The following PLPPR1 variants were observed in gnomAD, a reference collection of about 807,000 sequenced individuals.
The protein encoded by PLPPR1 is phospholipid phosphatase related 1.
In PLPPR1, 10 loss-of-function variants were observed where a neutral mutation model predicts 33.1. That is an observed-to-expected ratio of 0.30 (90% CI 0.19 to 0.51). PLPPR1 has a LOEUF of 0.51. Among genes scored for constraint, PLPPR1 ranks in the 20% least tolerant of loss-of-function variants. The probability of loss-of-function intolerance (pLI) is 0.97; values close to 1 mark genes in which losing one functional copy is unlikely to be tolerated. For synonymous variants in PLPPR1, 151 were observed against 151.0 expected (o/e 1.00, Z 0.00); for missense variants, 304 against 408.1 (o/e 0.74, Z 2.20).
At chr9:101,146,091 A>G (rs1831517987) in intron 1 of PLPPR1, among the ~76,000 whole-genome samples, 1 of 152,148 alleles carries the variant, frequency 6.6e-6, no homozygotes, top group Admixed American at 6.5e-5. Flanking sequence ...AAAATTAATT[A>G]CTACTTCCCT....
intron 2 of PLPPR1, among the ~76,000 whole-genome samples, chr9:101,267,866 C>CA (rs1828025187): frequency 6.6e-6 from 1 of 152,120 alleles, no homozygotes; most frequent in African/African-American, 2.4e-5. Context: ...TAATGTGTCT[C>CA]AAGTACAAAC....
intron 4 of PLPPR1, among the ~76,000 whole-genome samples, chr9:101,294,645 A>G (rs1828585752): frequency 1.3e-5 from 2 of 152,224 alleles, no homozygotes; most frequent in South Asian, 4.1e-4. Flanking sequence ...AGGCTGGTTC[A>G]GTATACACAA....
chr9:101,114,521 G>A (rs955250806), intron 1 of PLPPR1, among the ~76,000 whole-genome samples: 2 of 152,158 alleles, frequency 1.3e-5, no homozygotes, highest in Admixed American at 1.3e-4. Context: ...AGGGAGAGAG[G>A]TAGGAGTATC....
At chr9:101,091,012 T>C in intron 1 of PLPPR1, among the ~76,000 whole-genome samples, 1 of 151,754 alleles carries the variant, frequency 6.6e-6, no homozygotes, top group East Asian at 1.9e-4. Context: ...CTCTGCTTGG[T>C]AGCCTAAATT....
At chr9:101,116,527 G>T (rs1052393932) in intron 1 of PLPPR1, among the ~76,000 whole-genome samples, 1 of 152,104 alleles carries the variant, frequency 6.6e-6, no homozygotes, top group Admixed American at 6.5e-5. Flanking sequence ...AGAAATGCAG[G>T]ATAACGGCTT....
At chr9:101,305,215 G>T (rs1446414952) in intron 4 of PLPPR1, among the ~76,000 whole-genome samples, 1 of 151,448 alleles carries the variant, frequency 6.6e-6, no homozygotes, top group East Asian at 1.9e-4. Context: ...GTGTGTGTGT[G>T]TGTGCGTGCA....
intron 4 of PLPPR1, among the ~76,000 whole-genome samples, chr9:101,297,450 C>T (rs1356863224): frequency 1.3e-5 from 2 of 152,188 alleles, no homozygotes; most frequent in Non-Finnish European, 2.9e-5. Flanking sequence ...AAAGAGAAAA[C>T]ATTCAAATTC....
At chr9:101,049,218 G>T (rs1268235039) in intron 1 of PLPPR1, among the ~76,000 whole-genome samples, 1 of 152,162 alleles carries the variant, frequency 6.6e-6, no homozygotes, top group African/African-American at 2.4e-5. Flanking sequence ...TTTTCATTGA[G>T]TAATCCAACT....
At chr9:101,212,838 T>C (rs978533760) in intron 2 of PLPPR1, among the ~76,000 whole-genome samples, 5 of 152,220 alleles carry the variant, frequency 3.3e-5, no homozygotes, top group African/African-American at 9.6e-5. Context: ...ACGTTTCCTG[T>C]GTAATTCTCT....
At chr9:101,173,110 G>C (rs1476735986) in intron 1 of PLPPR1, among the ~76,000 whole-genome samples, 1 of 151,972 alleles carries the variant, frequency 6.6e-6, no homozygotes, top group Non-Finnish European at 1.5e-5. Flanking sequence ...ACATCTAAGA[G>C]TAAACTTTTA....
intron 2 of PLPPR1, among the ~76,000 whole-genome samples, chr9:101,211,204 A>G (rs377262701): frequency 6.6e-6 from 1 of 152,162 alleles, no homozygotes. Flanking sequence ...ATGGTAAGAA[A>G]AAAAGGCAGC....
intron 5 of PLPPR1, among the ~76,000 whole-genome samples, chr9:101,309,962 T>G (rs1828926909): frequency 6.6e-6 from 1 of 152,162 alleles, no homozygotes; most frequent in East Asian, 1.9e-4. Flanking sequence ...CTCTGGCACT[T>G]TTCTCCATGA....
chr9:101,142,106 T>C (rs1311988296), intron 1 of PLPPR1, among the ~76,000 whole-genome samples: 1 of 152,084 alleles, frequency 6.6e-6, no homozygotes, highest in Non-Finnish European at 1.5e-5. Context: ...ATCCCAACTT[T>C]CTCCTTCACC....
intron 1 of PLPPR1, among the ~76,000 whole-genome samples, chr9:101,039,456 A>T (rs1375059367): frequency 6.6e-6 from 1 of 152,202 alleles, no homozygotes; most frequent in Non-Finnish European, 1.5e-5. Flanking sequence ...CCCATGATAT[A>T]CAGCTATAAG....
intron 1 of PLPPR1, among the ~76,000 whole-genome samples, chr9:101,113,872 C>T (rs538153919): frequency 6.4e-4 from 98 of 152,254 alleles, no homozygotes; most frequent in African/African-American, 2.0e-3. Context: ...GCAGAAGTCT[C>T]TGCCCAGCAA....
intron 1 of PLPPR1, among the ~76,000 whole-genome samples, chr9:101,063,485 AAGG>A (rs1180672899): frequency 6.6e-6 from 1 of 152,062 alleles, no homozygotes; most frequent in Non-Finnish European, 1.5e-5. Context: ...TGCAAGGGAG[AAGG>A]AGGAGAAAAT....
At chr9:101,321,039 A>G (rs1197114726) in intron 7 of PLPPR1, among the ~76,000 whole-genome samples, 1 of 151,958 alleles carries the variant, frequency 6.6e-6, no homozygotes, top group Admixed American at 6.6e-5. Flanking sequence ...CAAAGTAAAT[A>G]CCCCCCTGTG....
intron 1 of PLPPR1, among the ~76,000 whole-genome samples, chr9:101,131,955 G>A (rs1315630444): frequency 6.6e-6 from 1 of 152,208 alleles, no homozygotes; most frequent in Non-Finnish European, 1.5e-5. Flanking sequence ...TCCCAGCACT[G>A]ATATGAGTTG....
At position 101,115,819 on chromosome 9, in the gene PLPPR1, C is replaced by G. The variant is rs149656871; in HGVS notation, c.-45-69631C>G. On this transcript the variant is annotated intron_variant, in intron 1 of 7. Transcript: ENST00000374874. ...CATCCCATTTTAATGAAAGGGATTT[C>G]TTGCTTTCCTTATTCTCATAGAATT... is the stretch of plus-strand genomic sequence containing the variant. 4.7e-3 allele frequency among the ~76,000 whole-genome samples: 717 copies of G among 152,300 alleles called. 5 individuals are homozygous for G. The highest frequency in any genetic ancestry group is 0.016 in the African/African-American group (676 of 41,568).
Sources: allele counts gnomAD v4.1 joint callset (sites outside exome capture counted in the v4.1 genomes callset), GRCh38; gene constraint gnomAD v4.1.1; transcripts MANE v1.5; gene names NCBI Gene and HGNC (gene_info 2026-07-23, HGNC 2026-07-21).